Variants in ARHGAP10 observed in about 807,000 individuals in gnomAD.
ARHGAP10 encodes Rho GTPase activating protein 10, also known as rho GTPase-activating protein 10.
ARHGAP10 carries 87 observed loss-of-function variants against 108.6 expected under a neutral mutation model. The ratio of observed to expected loss-of-function variants is 0.80; its 90% CI spans 0.67 to 0.96. ARHGAP10 has a LOEUF of 0.96. ARHGAP10 is among the 40% of genes least tolerant of loss of function. ARHGAP10 has a pLI of 0.00. For missense variants in ARHGAP10, 939 were observed against 954.5 expected (o/e 0.98, Z 0.21); for synonymous variants, 347 against 341.1 (o/e 1.02, Z -0.19).
intron 20 of ARHGAP10, 39 bp downstream of exon 20, chr4:148,047,090 A>AG: frequency 6.2e-7 from 1 of 1,605,744 alleles, no homozygotes; most frequent in Non-Finnish European, 8.5e-7. Flanking sequence ...GAAGGGTGGA[A>AG]GCCCTGACTT....
rs140569334 is a variant in ARHGAP10 at position 147,774,419 on chromosome 4, C to T, written c.154+41964C>T. Among the ~76,000 whole-genome samples the T allele has an allele frequency of 3.3e-4, 50 of 152,234 alleles. No individual in the cohort carries two copies. The East Asian group carries it at 7.7e-3, about 23-fold the overall frequency. ...GGTTTGGTTTGCCTGTAAGAGTGTG[C>T]AGGTGGAAAACATGACCTGGGTTTG... On this transcript the variant is annotated intron_variant, in intron 1 of 22. Coordinates refer to ENST00000336498, the MANE Select transcript of ARHGAP10 (RefSeq NM_024605.4).
chr4:147,981,205 C>T (rs56743769), intron 18 of ARHGAP10, among the ~76,000 whole-genome samples: 8,531 of 152,152 alleles, frequency 0.056, 278 homozygotes, highest in African/African-American at 0.079. Context: ...GTGCAGTAAA[C>T]GTTCCTCTTA....
intron 18 of ARHGAP10, among the ~76,000 whole-genome samples, chr4:147,986,418 A>G (rs1404783183): frequency 6.6e-6 from 1 of 152,184 alleles, no homozygotes; most frequent in Non-Finnish European, 1.5e-5. Flanking sequence ...ATATACAAAT[A>G]TATGCATTTA....
intron 4 of ARHGAP10, chr4:147,854,766 G>A (rs915495802): frequency 1.0e-6 from 1 of 984,876 alleles, no homozygotes; most frequent in Admixed American, 6.2e-5. Context: ...TGCGTTTTAA[G>A]ATTCAGAAAC....
intron 20 of ARHGAP10, among the ~76,000 whole-genome samples, chr4:148,057,272 C>A (rs1376807619): frequency 6.6e-6 from 1 of 152,188 alleles, no homozygotes; most frequent in African/African-American, 2.4e-5. Context: ...AATTTGCATG[C>A]GTACAATCCT....
intron 8 of ARHGAP10, among the ~76,000 whole-genome samples, chr4:147,875,506 C>T (rs1340666018): frequency 6.6e-6 from 1 of 152,070 alleles, no homozygotes; most frequent in African/African-American, 2.4e-5. Flanking sequence ...TCTCCTTCCC[C>T]CTCACCTCTA....
intron 1 of ARHGAP10, among the ~76,000 whole-genome samples, chr4:147,810,608 A>G (rs960644473): frequency 2.0e-5 from 3 of 152,232 alleles, no homozygotes; most frequent in Middle Eastern, 3.2e-3. Flanking sequence ...CAGCTGGAGA[A>G]TGTGTTGGGC....
At chr4:147,842,006 C>T (rs1479102274) in intron 3 of ARHGAP10, among the ~76,000 whole-genome samples, 1 of 152,114 alleles carries the variant, frequency 6.6e-6, no homozygotes, top group Non-Finnish European at 1.5e-5. Flanking sequence ...AATCTTGGCT[C>T]ACTGCAACCA....
intron 13 of ARHGAP10, among the ~76,000 whole-genome samples, chr4:147,920,164 C>T (rs1337886945): frequency 1.3e-5 from 2 of 151,766 alleles, no homozygotes; most frequent in Non-Finnish European, 2.9e-5. Context: ...TGCCTGTAAT[C>T]CCAGCACTTT....
intron 20 of ARHGAP10, among the ~76,000 whole-genome samples, chr4:148,060,252 G>A (rs1445475090): frequency 2.0e-5 from 3 of 151,294 alleles, no homozygotes; most frequent in Non-Finnish European, 4.4e-5. Context: ...TTACATTTTA[G>A]ATGATATTTA....
At chr4:147,958,941 A>G (rs947759007) in intron 16 of ARHGAP10, among the ~76,000 whole-genome samples, 1 of 152,118 alleles carries the variant, frequency 6.6e-6, no homozygotes, top group Non-Finnish European at 1.5e-5. Flanking sequence ...CTTTTCCACT[A>G]CAGTAAGCTC....
intron 1 of ARHGAP10, among the ~76,000 whole-genome samples, chr4:147,792,160 G>A (rs1370356292): frequency 6.6e-6 from 1 of 152,172 alleles, no homozygotes; most frequent in Non-Finnish European, 1.5e-5. Context: ...GCATTGTACT[G>A]GTGATTTTGT....
intron 1 of ARHGAP10, among the ~76,000 whole-genome samples, chr4:147,790,721 T>A (rs1033777689): frequency 2.0e-5 from 3 of 152,242 alleles, no homozygotes; most frequent in African/African-American, 7.2e-5. Flanking sequence ...CTAACTATCA[T>A]ATTCAAATAA....
intron 10 of ARHGAP10, among the ~76,000 whole-genome samples, chr4:147,899,452 T>C (rs976602890): frequency 1.3e-4 from 20 of 152,164 alleles, no homozygotes; most frequent in African/African-American, 4.8e-4. Flanking sequence ...AAATGAGTTT[T>C]TGAAAAACAA....
At chr4:147,869,836 G>C (rs1440655999) in intron 7 of ARHGAP10, among the ~76,000 whole-genome samples, 3 of 151,892 alleles carry the variant, frequency 2.0e-5, no homozygotes, top group African/African-American at 7.3e-5. Context: ...AAGCACTTAT[G>C]AAAAGCAGGT....
chr4:147,986,939 C>A (rs989641382), intron 18 of ARHGAP10, among the ~76,000 whole-genome samples: 1 of 152,180 alleles, frequency 6.6e-6, no homozygotes, highest in Non-Finnish European at 1.5e-5. Flanking sequence ...TCCTTCCATT[C>A]GAAATGGCTT....
intron 19 of ARHGAP10, among the ~76,000 whole-genome samples, chr4:148,031,530 A>G (rs1420086008): frequency 6.6e-6 from 1 of 152,242 alleles, no homozygotes; most frequent in Non-Finnish European, 1.5e-5. Context: ...TAATCACTCT[A>G]CTAGAGTGCT....
intron 20 of ARHGAP10, among the ~76,000 whole-genome samples, chr4:148,053,427 A>G (rs1729227517): frequency 6.6e-6 from 1 of 152,214 alleles, no homozygotes; most frequent in Admixed American, 6.5e-5. Flanking sequence ...GGGAATAAAC[A>G]CTTGAATCTG....
At chr4:147,928,043 T>A (rs1737531907) in intron 13 of ARHGAP10, among the ~76,000 whole-genome samples, 1 of 152,200 alleles carries the variant, frequency 6.6e-6, no homozygotes, top group Non-Finnish European at 1.5e-5. Context: ...TGCTTTCTCT[T>A]GTGTTGCCTA....
Sources: gnomAD v4.1 joint callset for allele counts (sites outside exome capture counted in the v4.1 genomes callset) on GRCh38, gnomAD v4.1.1 for gene constraint, MANE v1.5 for transcripts, NCBI Gene and HGNC (gene_info 2026-07-23, HGNC 2026-07-21) for gene names.